The following GMDS variants were observed in gnomAD, a reference collection of about 807,000 sequenced individuals.
GMDS encodes GDP-mannose 4,6 dehydratase.
A neutral mutation model predicts 49.9 loss-of-function variants in GMDS; 20 were observed. That is an observed-to-expected ratio of 0.40 (90% CI 0.28 to 0.58). The LOEUF is 0.58. GMDS is among the 20% of genes least tolerant of loss of function. The pLI, the probability that GMDS is intolerant of heterozygous loss-of-function variation, is 0.42. For missense variants in GMDS, 362 were observed against 481.4 expected (o/e 0.75, Z 2.32); for synonymous variants, 177 against 178.6 (o/e 0.99, Z 0.07).
At chr6:1,733,392 T>G (rs1024657907) in intron 8 of GMDS, among the ~76,000 whole-genome samples, 2 of 152,018 alleles carry the variant, frequency 1.3e-5, no homozygotes, top group African/African-American at 4.8e-5. Context: ...GCTGAATGGA[T>G]GGGGTGAGGC....
At chr6:1,819,684 C>T (rs1369852781) in intron 7 of GMDS, among the ~76,000 whole-genome samples, 3 of 150,014 alleles carry the variant, frequency 2.0e-5, no homozygotes. Flanking sequence ...TTGCTTGAAC[C>T]CAGGAGGCAG....
rs1763127842 is a variant in GMDS at position 1,635,834 on chromosome 6, C to T, written c.988-11294G>A. 2.0e-5 allele frequency among the ~76,000 whole-genome samples: 3 copies of T among 152,340 alleles called. No individual in the cohort carries two copies. In the East Asian group the frequency reaches 5.8e-4, roughly 29 times the overall value. Reference sequence around the variant, plus strand: ...GCCTTGTACATAACCCACAGCCACTCCAGGCAAGCAGGGCCCAGCCTCGGC... The same window carrying T: ...GCCTTGTACATAACCCACAGCCACTTCAGGCAAGCAGGGCCCAGCCTCGGC... On this transcript the variant is annotated intron_variant, in intron 9 of 10. Coordinates refer to ENST00000380815, the MANE Select transcript of GMDS (RefSeq NM_001500.4). This position sits in a 1 kb window ranked among gnomAD's most constrained non-coding sequence, Gnocchi z 4.7.
chr6:1,717,701 C>T (rs774557844), intron 9 of GMDS: 1 of 152,050 alleles, frequency 6.6e-6, no homozygotes, highest in Non-Finnish European at 1.5e-5. Flanking sequence ...TTGAAGAGCC[C>T]AAAGCATCCT....
chr6:2,197,228 C>T lies in GMDS; in HGVS notation c.102+48093G>A, dbSNP rs906890293. 3.9e-5 allele frequency among the ~76,000 whole-genome samples: 6 copies of T among 152,318 alleles called. No individual in the cohort carries two copies. The East Asian group carries it at 7.7e-4, about 20-fold the overall frequency. On this transcript the variant is annotated intron_variant, in intron 1 of 10. Transcript: ENST00000380815. Reference sequence around the variant, plus strand: ...GGCTCTCCCGCACCATAAGGCAAAGCGCTTCATGTCCCTGACTCATCCAAG... The same window carrying T: ...GGCTCTCCCGCACCATAAGGCAAAGTGCTTCATGTCCCTGACTCATCCAAG...
intron 1 of GMDS, among the ~76,000 whole-genome samples, chr6:2,203,798 A>G (rs1454146981): frequency 6.6e-6 from 1 of 152,216 alleles, no homozygotes; most frequent in East Asian, 1.9e-4. Context: ...GTAGGCTGGG[A>G]GGAAGGCAGG....
chr6:2,173,131 G>A (rs953790849), intron 1 of GMDS, among the ~76,000 whole-genome samples: 2 of 152,040 alleles, frequency 1.3e-5, no homozygotes, highest in South Asian at 2.1e-4. Context: ...GCACTTCTAG[G>A]TTATTTTAAA....
intron 9 of GMDS, among the ~76,000 whole-genome samples, chr6:1,659,571 AGGTTGGCAGCTG>A (rs1369678660): frequency 6.6e-6 from 1 of 152,162 alleles, no homozygotes; most frequent in Non-Finnish European, 1.5e-5. Context: ...GGACAGGAAA[AGGTTGGCAGCTG>A]GGTGATAGCA....
At chr6:1,989,195 A>G (rs1330361622) in intron 4 of GMDS, among the ~76,000 whole-genome samples, 1 of 152,264 alleles carries the variant, frequency 6.6e-6, no homozygotes. Context: ...ATACTTTCCA[A>G]GACATTTAAG....
At chr6:1,636,919 G>A (rs1199887758) in intron 9 of GMDS, among the ~76,000 whole-genome samples, 3 of 152,214 alleles carry the variant, frequency 2.0e-5, no homozygotes, top group Admixed American at 6.5e-5. Flanking sequence ...ACCTGCACAC[G>A]GGGGATCGCT....
At chr6:1,773,719 T>G (rs1416508615) in intron 7 of GMDS, among the ~76,000 whole-genome samples, 2 of 152,194 alleles carry the variant, frequency 1.3e-5, no homozygotes, top group Non-Finnish European at 2.9e-5. Flanking sequence ...TTGAGAGGAT[T>G]TGCAAGGAAG....
intron 4 of GMDS, among the ~76,000 whole-genome samples, chr6:2,040,150 T>C (rs1305070794): frequency 1.3e-5 from 2 of 152,176 alleles, no homozygotes; most frequent in African/African-American, 2.4e-5. Context: ...TGGCTCCTCA[T>C]TGCCCAAGTG....
chr6:2,089,569 A>G (rs1773202280), intron 4 of GMDS, among the ~76,000 whole-genome samples: 1 of 152,218 alleles, frequency 6.6e-6, no homozygotes, highest in Non-Finnish European at 1.5e-5. Flanking sequence ...AGGAGATGTA[A>G]GAGGAGAGGT....
chr6:1,777,282 T>C (rs1768875805), intron 7 of GMDS, among the ~76,000 whole-genome samples: 1 of 152,250 alleles, frequency 6.6e-6, no homozygotes, highest in African/African-American at 2.4e-5. Context: ...TCCTGTCCAC[T>C]TCAAAGGTAA....
At chr6:1,908,512 T>C (rs1760889280) in intron 7 of GMDS, among the ~76,000 whole-genome samples, 1 of 152,248 alleles carries the variant, frequency 6.6e-6, no homozygotes. Context: ...AAATTTTCTT[T>C]AAATTTGGGC....
chr6:2,142,186 T>C (rs1482965586), intron 1 of GMDS, among the ~76,000 whole-genome samples: 1 of 152,180 alleles, frequency 6.6e-6, no homozygotes, highest in Non-Finnish European at 1.5e-5. Context: ...AGCAGGTTCC[T>C]GTTCATATTC....
intron 4 of GMDS, among the ~76,000 whole-genome samples, chr6:1,982,583 C>T (rs1765284476): frequency 6.6e-6 from 1 of 152,132 alleles, no homozygotes; most frequent in South Asian, 2.1e-4. Flanking sequence ...ACACCAACCA[C>T]ACGCAGGCTG....
chr6:2,211,971 C>A (rs549993378), intron 1 of GMDS, among the ~76,000 whole-genome samples: 163 of 152,272 alleles, frequency 1.1e-3, no homozygotes, highest in African/African-American at 3.4e-3. Flanking sequence ...AAACCTTCAA[C>A]AATTGGTAAT....
chr6:1,988,525 C>T (rs1171016936), intron 4 of GMDS, among the ~76,000 whole-genome samples: 4 of 152,096 alleles, frequency 2.6e-5, no homozygotes, highest in Admixed American at 1.3e-4. Context: ...TTTGGGCTCC[C>T]TATCCAGCTC....
At chr6:2,038,033 C>T (rs966108369) in intron 4 of GMDS, among the ~76,000 whole-genome samples, 2 of 152,140 alleles carry the variant, frequency 1.3e-5, no homozygotes, top group African/African-American at 4.8e-5. Flanking sequence ...TTAAAGTTAA[C>T]CTTGAACCTT....
Sources: gnomAD v4.1 joint callset for allele counts (sites outside exome capture counted in the v4.1 genomes callset) on GRCh38, gnomAD v4.1.1 for gene constraint, Gnocchi (gnomAD v3.1) non-coding constraint, MANE v1.5 for transcripts, NCBI Gene and HGNC (gene_info 2026-07-23, HGNC 2026-07-21) for gene names.